Variants in LRMDA observed in about 807,000 individuals in gnomAD.
LRMDA encodes leucine-rich melanocyte differentiation-associated protein.
In LRMDA, 18 loss-of-function variants were observed where a neutral mutation model predicts 29.8. The ratio of observed to expected loss-of-function variants is 0.60; its 90% CI spans 0.42 to 0.90. The LOEUF (loss-of-function observed/expected upper bound fraction) is 0.90. LRMDA is among the 40% of genes least tolerant of loss of function. The pLI is 0.00. For missense variants in LRMDA, 273 were observed against 273.9 expected, an observed-to-expected ratio of 1.00 and a Z score of 0.02; for synonymous variants, 125 against 109.4, an observed-to-expected ratio of 1.14 and a Z score of -0.89.
intron 5 of LRMDA, among the ~76,000 whole-genome samples, chr10:76,289,536 A>G (rs1330573828): frequency 2.6e-5 from 4 of 152,206 alleles, no homozygotes; most frequent in African/African-American, 9.6e-5. Flanking sequence ...GGAGTTCAAT[A>G]TTAGGAAGAG....
At chr10:76,220,470 G>C (rs535311767) in intron 5 of LRMDA, among the ~76,000 whole-genome samples, 9 of 152,054 alleles carry the variant, frequency 5.9e-5, no homozygotes, top group South Asian at 4.2e-4. Flanking sequence ...TACAAACTAC[G>C]ATCAGAGAAT....
chr10:76,168,509 G>T (rs1850779747), intron 5 of LRMDA, among the ~76,000 whole-genome samples: 2 of 152,186 alleles, frequency 1.3e-5, no homozygotes, highest in Admixed American at 6.5e-5. Context: ...CAGAAGCATT[G>T]TTCTGGAACT....
At chr10:76,112,232 G>A (rs928368599) in intron 5 of LRMDA, among the ~76,000 whole-genome samples, 10 of 152,146 alleles carry the variant, frequency 6.6e-5, no homozygotes, top group African/African-American at 2.4e-4. Flanking sequence ...AGCCCCACCG[G>A]GCAACTTCCC....
intron 2 of LRMDA, among the ~76,000 whole-genome samples, chr10:75,599,465 T>C (rs547477439): frequency 6.0e-4 from 92 of 152,192 alleles, no homozygotes; most frequent in Non-Finnish European, 1.0e-3. Context: ...CAGGTAATTG[T>C]AGGGTGAGAG....
chr10:75,692,442 T>C (rs1842178599), intron 2 of LRMDA, among the ~76,000 whole-genome samples: 1 of 150,468 alleles, frequency 6.6e-6, no homozygotes, highest in Admixed American at 6.7e-5. Context: ...CACACATACA[T>C]ATATGTATAT....
At position 76,558,240 on chromosome 10, in the gene LRMDA, A is replaced by AAGAT. The variant is rs771231115; in HGVS notation, c.*956_*959dup. On this transcript the variant is annotated 3_prime_UTR_variant, in exon 7 of 7. Coordinates refer to ENST00000611255, the MANE Select transcript of LRMDA (RefSeq NM_001305581.2). ...CTATTTAAAGGGAGTGAGGTGATGA[A>AAGAT]AGATAGAGTGAAGGGTCAGGAGGTT... The AAGAT allele has an allele frequency of 2.6e-5, 4 of 152,210 alleles. No homozygotes were observed. The highest frequency in any genetic ancestry group is 9.7e-5 in the African/African-American group (4 of 41,444). The allele number at this position is 152,210 out of a possible 1,614,324, so 9.4% of individuals were successfully genotyped here.
chr10:75,493,563 G>T (rs1193907608), intron 2 of LRMDA, among the ~76,000 whole-genome samples: 1 of 152,050 alleles, frequency 6.6e-6, no homozygotes. Flanking sequence ...ACTGTTGGAG[G>T]TGTAATGGAA....
intron 2 of LRMDA, among the ~76,000 whole-genome samples, chr10:75,655,107 C>A (rs1841651287): frequency 6.6e-6 from 1 of 152,156 alleles, no homozygotes; most frequent in Non-Finnish European, 1.5e-5. Context: ...GGCTATAATC[C>A]ATTTTTACTT....
At chr10:75,529,534 C>T (rs558968358) in intron 2 of LRMDA, among the ~76,000 whole-genome samples, 13 of 152,174 alleles carry the variant, frequency 8.5e-5, no homozygotes, top group South Asian at 2.1e-4. Flanking sequence ...GGGTCATGGG[C>T]GAGGGAGATC....
At chr10:75,776,196 C>A (rs1843309863) in intron 2 of LRMDA, among the ~76,000 whole-genome samples, 1 of 152,144 alleles carries the variant, frequency 6.6e-6, no homozygotes, top group African/African-American at 2.4e-5. Flanking sequence ...GCATTGTGGA[C>A]CAATGATGGA....
At chr10:76,498,190 C>A (rs2132340865) in intron 6 of LRMDA, among the ~76,000 whole-genome samples, 1 of 75,618 alleles carries the variant, frequency 1.3e-5, no homozygotes, top group East Asian at 2.5e-4. Context: ...CTGTGCTAAG[C>A]ATTCAGCATT....
At chr10:76,217,943 C>T (rs1028396847) in intron 5 of LRMDA, among the ~76,000 whole-genome samples, 1 of 152,166 alleles carries the variant, frequency 6.6e-6, no homozygotes, top group African/African-American at 2.4e-5. Context: ...TACCAGAATC[C>T]ATAAGAAGCC....
intron 2 of LRMDA, among the ~76,000 whole-genome samples, chr10:75,575,648 T>C (rs1484744797): frequency 6.6e-6 from 1 of 152,174 alleles, no homozygotes; most frequent in Non-Finnish European, 1.5e-5. Flanking sequence ...GCGAGTGATT[T>C]CTGCATTTCC....
chr10:76,081,424 A>T (rs1849047774), intron 5 of LRMDA, among the ~76,000 whole-genome samples: 1 of 152,212 alleles, frequency 6.6e-6, no homozygotes, highest in African/African-American at 2.4e-5. Context: ...CTGCACTCCA[A>T]GCTGGGTGAC....
chr10:76,392,202 A>G (rs942771532), intron 6 of LRMDA, among the ~76,000 whole-genome samples: 25 of 152,160 alleles, frequency 1.6e-4, no homozygotes, highest in African/African-American at 5.3e-4. Flanking sequence ...CTCCAATATT[A>G]TCTCGGTAAT....
At chr10:75,902,194 G>C (rs972759191) in intron 2 of LRMDA, among the ~76,000 whole-genome samples, 2 of 152,196 alleles carry the variant, frequency 1.3e-5, no homozygotes, top group Non-Finnish European at 1.5e-5. Context: ...GGCCTTAGGG[G>C]TGCATGCCCG....
chr10:76,045,816 C>T (rs1046161005), intron 3 of LRMDA, among the ~76,000 whole-genome samples: 7 of 152,074 alleles, frequency 4.6e-5, no homozygotes, highest in African/African-American at 1.7e-4. Flanking sequence ...TGTGCTATGT[C>T]GTGGTGATTG....
At chr10:75,559,274 G>C (rs1324224827) in intron 2 of LRMDA, among the ~76,000 whole-genome samples, 2 of 150,796 alleles carry the variant, frequency 1.3e-5, no homozygotes, top group African/African-American at 4.9e-5. Flanking sequence ...GCATTTCTCT[G>C]ATGGCCAGTG....
At chr10:75,578,214 G>GCAAAA (rs1840533278) in intron 2 of LRMDA, among the ~76,000 whole-genome samples, 1 of 8,346 alleles carries the variant, frequency 1.2e-4, no homozygotes, top group Non-Finnish European at 2.7e-4. Flanking sequence ...CAAATGGAAA[G>GCAAAA]CAAAAAAAAA....
Sources: gnomAD v4.1 joint callset for allele counts (sites outside exome capture counted in the v4.1 genomes callset) on GRCh38, gnomAD v4.1.1 for gene constraint, MANE v1.5 for transcripts, NCBI Gene and HGNC (gene_info 2026-07-23, HGNC 2026-07-21) for gene names.